The following PTPRM variants were observed in gnomAD, a reference collection of about 807,000 sequenced individuals.
PTPRM encodes receptor-type tyrosine-protein phosphatase mu.
In PTPRM, 47 loss-of-function variants were observed where a neutral mutation model predicts 186.7. The observed-to-expected ratio is 0.25, with a 90% CI of 0.20 to 0.32. PTPRM has a LOEUF of 0.32. PTPRM is among the 10% of genes least tolerant of loss of function. PTPRM has a pLI of 1.00. For synonymous variants in PTPRM, 668 were observed against 674.9 expected, an observed-to-expected ratio of 0.99 and a Z score of 0.16; for missense variants, 1,494 against 1,865.0, an observed-to-expected ratio of 0.80 and a Z score of 3.66.
intron 32 of PTPRM, among the ~76,000 whole-genome samples, chr18:8,402,507 G>T (rs907953721): frequency 1.3e-5 from 2 of 152,208 alleles, no homozygotes; most frequent in Admixed American, 1.3e-4. Context: ...ATGTTAAAAG[G>T]AAATATGTTA....
chr18:7,953,880 T>C (rs2053137003), intron 6 of PTPRM, among the ~76,000 whole-genome samples: 1 of 152,104 alleles, frequency 6.6e-6, no homozygotes, highest in Admixed American at 6.6e-5. Context: ...ATTCCAGTAA[T>C]AGGATATAGC....
intron 1 of PTPRM, among the ~76,000 whole-genome samples, chr18:7,772,752 T>C (rs1188273960): frequency 2.0e-5 from 3 of 152,160 alleles, no homozygotes; most frequent in African/African-American, 7.2e-5. Context: ...GGACAATGGC[T>C]GTTTTACTTA....
At chr18:8,378,476 G>C in intron 27 of PTPRM, 62 bp downstream of exon 27, 1 of 1,569,488 alleles carries the variant, frequency 6.4e-7, no homozygotes, top group East Asian at 2.2e-5. Context: ...GGATTTCAAG[G>C]TCAGCACCTG....
At chr18:7,926,199 T>A (rs2051164096) in intron 4 of PTPRM, among the ~76,000 whole-genome samples, 1 of 152,206 alleles carries the variant, frequency 6.6e-6, no homozygotes, top group Non-Finnish European at 1.5e-5. Flanking sequence ...CTGGTATAAA[T>A]ATCTAATATG....
At chr18:8,404,378 T>A (rs1195305300) in intron 32 of PTPRM, 4 of 152,252 alleles carry the variant, frequency 2.6e-5, no homozygotes, top group African/African-American at 7.2e-5. Context: ...TCTCTAGCAG[T>A]ACATGTGTAT....
At chr18:7,833,001 A>G (rs923994202) in intron 2 of PTPRM, among the ~76,000 whole-genome samples, 14 of 151,948 alleles carry the variant, frequency 9.2e-5, no homozygotes, top group Admixed American at 2.0e-4. Flanking sequence ...TGCCAGTACC[A>G]TGTTCTTTTG....
At chr18:8,250,252 A>C (rs1391090133) in intron 17 of PTPRM, among the ~76,000 whole-genome samples, 2 of 151,972 alleles carry the variant, frequency 1.3e-5, no homozygotes, top group South Asian at 4.1e-4. Context: ...GGATAGCTGG[A>C]TGGATGGATG....
At chr18:8,287,743 G>A (rs1276007964) in intron 19 of PTPRM, among the ~76,000 whole-genome samples, 2 of 152,134 alleles carry the variant, frequency 1.3e-5, no homozygotes, top group South Asian at 2.1e-4. Flanking sequence ...CCAAACTCTG[G>A]CAATATCTGC....
At chr18:7,591,051 TAG>T (rs1255516918) in intron 1 of PTPRM, among the ~76,000 whole-genome samples, 1 of 152,248 alleles carries the variant, frequency 6.6e-6, no homozygotes, top group African/African-American at 2.4e-5. Flanking sequence ...TTCCTGCTTC[TAG>T]AAACCAAAAA....
chr18:7,712,970 C>T (rs1457945168), intron 1 of PTPRM, among the ~76,000 whole-genome samples: 1 of 152,084 alleles, frequency 6.6e-6, no homozygotes, highest in Non-Finnish European at 1.5e-5. Context: ...AGGAGAAATT[C>T]CCCAACCTAG....
Position 8,376,123 on chromosome 18 carries a change from C to T in PTPRM, c.3249C>T (p.Ala1083=). The change falls in exon 25 of 33, where the codon GCC becomes GCT. Residue 1083 remains alanine (A), a synonymous_variant. Transcript: ENST00000580170. ...GWPDHGVPYH[A]TGLLGFVRQV... The stretch of plus-strand genomic sequence containing the variant: ...CGGATCATGGGGTCCCCTACCATGC[C>T]ACCGGCCTGCTGGGATTCGTGCGGC... 6.2e-7 allele frequency: 1 copy of T among 1,614,084 alleles called. No individual in the cohort carries two copies. The highest frequency in any genetic ancestry group is 8.5e-7 in the Non-Finnish European group (1 of 1,180,022).
intron 7 of PTPRM, among the ~76,000 whole-genome samples, chr18:8,064,089 TAAGA>T (rs2088853756): frequency 6.6e-6 from 1 of 152,204 alleles, no homozygotes; most frequent in Non-Finnish European, 1.5e-5. Context: ...AACATGTAAA[TAAGA>T]ATTCCAGCTT....
intron 2 of PTPRM, among the ~76,000 whole-genome samples, chr18:7,813,290 A>C (rs1379691951): frequency 6.6e-6 from 1 of 152,248 alleles, no homozygotes; most frequent in Non-Finnish European, 1.5e-5. Context: ...TTAGTGTGTT[A>C]GGACCTCAAG....
chr18:7,801,788 A>C (rs2043984284), intron 2 of PTPRM, among the ~76,000 whole-genome samples: 1 of 152,108 alleles, frequency 6.6e-6, no homozygotes, highest in South Asian at 2.1e-4. Context: ...GCTCCCTTAA[A>C]GTCTTATGGG....
intron 1 of PTPRM, among the ~76,000 whole-genome samples, chr18:7,621,322 A>C (rs1411239405): frequency 6.6e-6 from 1 of 152,206 alleles, no homozygotes; most frequent in Non-Finnish European, 1.5e-5. Context: ...TATTTTTTAA[A>C]GAAGAGCAGT....
In PTPRM at chr18:8,102,455, T is replaced by G. The variant is rs572910236; in HGVS notation, c.1857-11031T>G. On this transcript the variant is annotated intron_variant, in intron 11 of 32. Transcript: ENST00000580170. ...TGTTAATATAATATTCTAAATCATT[T>G]GTTGTCATTTCAACAGTGGTCACAG... 3.9e-4 allele frequency among the ~76,000 whole-genome samples: 60 copies of G among 152,382 alleles called. No individual in the cohort carries two copies. In the South Asian group the frequency reaches 9.1e-3, roughly 23 times the overall value.
chr18:7,921,288 G>T (rs62090936), intron 4 of PTPRM, among the ~76,000 whole-genome samples: 15,325 of 150,274 alleles, frequency 0.1, 1,116 homozygotes, highest in Non-Finnish European at 0.16. Flanking sequence ...TTTTCTTTTT[G>T]CCTCTCTGGC....
intron 14 of PTPRM, among the ~76,000 whole-genome samples, chr18:8,230,643 A>G (rs2094275261): frequency 6.6e-6 from 1 of 152,252 alleles, no homozygotes; most frequent in South Asian, 2.1e-4. Flanking sequence ...TAATGAACAT[A>G]AAGTGCCTGG....
intron 7 of PTPRM, among the ~76,000 whole-genome samples, chr18:8,025,377 A>G (rs1360958879): frequency 6.6e-6 from 1 of 152,210 alleles, no homozygotes; most frequent in African/African-American, 2.4e-5. Flanking sequence ...TTTGTCAAAT[A>G]GAGACATAAA....
Sources: gnomAD v4.1 joint callset for allele counts (sites outside exome capture counted in the v4.1 genomes callset) on GRCh38, gnomAD v4.1.1 for gene constraint, MANE v1.5 for transcripts, NCBI Gene and HGNC (gene_info 2026-07-23, HGNC 2026-07-21) for gene names.